Variants in PDE4D observed in about 807,000 individuals in gnomAD.
The protein encoded by PDE4D is phosphodiesterase 4D, also known as 3',5'-cyclic-AMP phosphodiesterase 4D.
In PDE4D, 24 loss-of-function variants were observed where a neutral mutation model predicts 87.4. The observed-to-expected ratio is 0.27, with a 90% confidence interval of 0.20 to 0.39. PDE4D has a LOEUF of 0.39. PDE4D is among the 10% of genes least tolerant of loss of function. The pLI is 1.00. For missense variants in PDE4D, 714 were observed against 1,041.0 expected (o/e 0.69, Z 4.32); for synonymous variants, 384 against 383.2 (o/e 1.00, Z -0.02).
intron 1 of PDE4D, among the ~76,000 whole-genome samples, chr5:59,463,213 T>G (rs1309952291): frequency 6.6e-6 from 1 of 152,182 alleles, no homozygotes; most frequent in Non-Finnish European, 1.5e-5. Flanking sequence ...TGGAGATGCA[T>G]TCATATCATA....
chr5:58,969,967 C>T lies in PDE4D; in HGVS notation c.*4697G>A, dbSNP rs1489431926. On this transcript the variant is annotated 3_prime_UTR_variant, in exon 15 of 15. Transcript: ENST00000340635. ...GAATATCAGTACTAACTTATGATGT[C>T]ACTATCCTTTCATTTCAACCACGTT... 1 of 152,112 alleles carries T rather than the reference C, an allele frequency of 6.6e-6. No individual in the cohort carries two copies. The highest frequency in any genetic ancestry group is 2.4e-5 in the African/African-American group (1 of 41,416). 9.4% of individuals were successfully genotyped at this position (152,112 alleles called of 1,614,324 possible).
intron 2 of PDE4D, among the ~76,000 whole-genome samples, chr5:60,112,324 G>A (rs966096846): frequency 5.8e-4 from 88 of 152,190 alleles, no homozygotes; most frequent in African/African-American, 2.1e-3. Context: ...CATAACCAAT[G>A]TATTATTCCT....
In PDE4D at chr5:59,095,308, A is replaced by T. The variant is rs185257588; in HGVS notation, c.809-56337T>A. 2.6e-5 allele frequency among the ~76,000 whole-genome samples: 4 copies of T among 151,104 alleles called. No homozygotes were observed. The East Asian group carries it at 7.7e-4, about 29-fold the overall frequency. Reference sequence around the variant, plus strand: ...ACAATCTCATAATGAGGCATTCTAGATGCTTATTCTTACCTAAAGGGAATG... The same window carrying T: ...ACAATCTCATAATGAGGCATTCTAGTTGCTTATTCTTACCTAAAGGGAATG... On this transcript the variant is annotated intron_variant, in intron 5 of 14. Coordinates refer to ENST00000340635, the MANE Select transcript of PDE4D (RefSeq NM_001104631.2).
intron 2 of PDE4D, among the ~76,000 whole-genome samples, chr5:60,001,498 G>A (rs1039858073): frequency 1.3e-5 from 2 of 152,062 alleles, no homozygotes; most frequent in African/African-American, 4.8e-5. Context: ...AAATACTAAT[G>A]TGATTCTTCA....
chr5:60,396,699 C>T (rs893862745), intron 1 of PDE4D, among the ~76,000 whole-genome samples: 1 of 152,012 alleles, frequency 6.6e-6, no homozygotes, highest in Non-Finnish European at 1.5e-5. Flanking sequence ...GGTCTGACTC[C>T]TATTCAAGGC....
chr5:60,162,636 CCTGGAG>C (rs992285555), intron 2 of PDE4D, among the ~76,000 whole-genome samples: 2 of 152,050 alleles, frequency 1.3e-5, no homozygotes, highest in African/African-American at 4.8e-5. Context: ...TGTGGCAATT[CCTGGAG>C]CCCTTCCCAG....
At chr5:59,426,027 G>A (rs556369553) in intron 1 of PDE4D, among the ~76,000 whole-genome samples, 3 of 152,270 alleles carry the variant, frequency 2.0e-5, no homozygotes, top group East Asian at 1.9e-4. Flanking sequence ...AATCCAGTCT[G>A]ACTGATGTCC....
At chr5:59,157,331 T>A (rs1561587970) in intron 5 of PDE4D, 1 of 702,500 alleles carries the variant, frequency 1.4e-6, no homozygotes, top group Non-Finnish European at 2.6e-6. Flanking sequence ...ACATGTCAAG[T>A]AACGTATATG....
intron 1 of PDE4D, among the ~76,000 whole-genome samples, chr5:60,324,910 A>G (rs1756642986): frequency 6.6e-6 from 1 of 152,238 alleles, no homozygotes; most frequent in Admixed American, 6.5e-5. Context: ...TATGATTTCT[A>G]AAGAGATCTT....
At chr5:58,997,519 C>A (rs1749507198) in intron 6 of PDE4D, among the ~76,000 whole-genome samples, 1 of 152,106 alleles carries the variant, frequency 6.6e-6, no homozygotes, top group Non-Finnish European at 1.5e-5. Context: ...AAACATTAAA[C>A]TGCTGTTTGA....
At chr5:60,178,401 T>A (rs1784109743) in intron 2 of PDE4D, among the ~76,000 whole-genome samples, 1 of 152,132 alleles carries the variant, frequency 6.6e-6, no homozygotes, top group African/African-American at 2.4e-5. Context: ...GGGTGAGGAA[T>A]GCATGTTCTG....
intron 1 of PDE4D, among the ~76,000 whole-genome samples, chr5:59,589,436 C>A (rs1270090888): frequency 6.6e-6 from 1 of 152,070 alleles, no homozygotes; most frequent in Non-Finnish European, 1.5e-5. Context: ...TTATTTGACT[C>A]TGGTTAGTGA....
At chr5:59,307,626 G>A (rs1321961769) in intron 1 of PDE4D, among the ~76,000 whole-genome samples, 1 of 151,020 alleles carries the variant, frequency 6.6e-6, no homozygotes. Flanking sequence ...ACCATCACTG[G>A]CCATCAGAGA....
At chr5:60,371,403 T>G (rs1403531315) in intron 1 of PDE4D, among the ~76,000 whole-genome samples, 1 of 152,192 alleles carries the variant, frequency 6.6e-6, no homozygotes. Flanking sequence ...CAGCTCCCTT[T>G]ACCCAATATA....
intron 2 of PDE4D, among the ~76,000 whole-genome samples, chr5:60,038,709 G>C (rs956656065): frequency 9.9e-5 from 15 of 151,704 alleles, no homozygotes; most frequent in African/African-American, 3.6e-4. Flanking sequence ...CTAATATCCA[G>C]AATCTACAAT....
intron 1 of PDE4D, chr5:59,586,850 G>T (rs140106093): frequency 1.0e-6 from 1 of 985,448 alleles, no homozygotes; most frequent in East Asian, 1.1e-4. Context: ...TTGCCATGCT[G>T]TCCTTTAGAA....
intron 5 of PDE4D, among the ~76,000 whole-genome samples, chr5:59,153,623 A>G (rs1394526657): frequency 6.6e-6 from 1 of 152,200 alleles, no homozygotes; most frequent in Non-Finnish European, 1.5e-5. Flanking sequence ...GAAGAGATGT[A>G]AAAGAGTCAG....
intron 5 of PDE4D, among the ~76,000 whole-genome samples, chr5:59,134,014 G>T (rs1554077384): frequency 9.6e-6 from 1 of 103,966 alleles, no homozygotes; most frequent in Non-Finnish European, 2.0e-5. Context: ...GTTGTTGTTG[G>T]GAAGCTCTGA....
chr5:59,682,861 T>G (rs191861874), intron 1 of PDE4D, among the ~76,000 whole-genome samples: 1 of 152,278 alleles, frequency 6.6e-6, no homozygotes, highest in East Asian at 1.9e-4. Context: ...ACAAAACAAT[T>G]GGCATGTAAT....
Sources: gnomAD v4.1 joint callset for allele counts (sites outside exome capture counted in the v4.1 genomes callset) on GRCh38, gnomAD v4.1.1 for gene constraint, MANE v1.5 for transcripts, NCBI Gene and HGNC (gene_info 2026-07-23, HGNC 2026-07-21) for gene names.